The following MKLN1 variants were observed in gnomAD, a reference collection of about 807,000 sequenced individuals.
MKLN1 encodes muskelin 1.
In MKLN1, 18 loss-of-function variants were observed where a neutral mutation model predicts 99.0. The observed-to-expected ratio is 0.18, with a 90% CI of 0.13 to 0.27. The LOEUF (loss-of-function observed/expected upper bound fraction) is 0.27, where lower values mean the gene tolerates loss of function less well. Among genes scored for constraint, MKLN1 ranks in the 10% least tolerant of loss-of-function variants. MKLN1 has a pLI of 1.00. For missense variants in MKLN1, 621 were observed against 875.9 expected, an observed-to-expected ratio of 0.71 and a Z score of 3.67; for synonymous variants, 288 against 293.2, an observed-to-expected ratio of 0.98 and a Z score of 0.18.
At chr7:131,292,155 A>G (rs944116496) in intron 3 of MKLN1, among the ~76,000 whole-genome samples, 2 of 152,160 alleles carry the variant, frequency 1.3e-5, no homozygotes, top group East Asian at 3.8e-4. Context: ...CACTAGTCAA[A>G]TTTGAGGCAA....
At chr7:131,479,715 T>C (rs1220459948) in intron 17 of MKLN1, among the ~76,000 whole-genome samples, 1 of 151,512 alleles carries the variant, frequency 6.6e-6, no homozygotes, top group Non-Finnish European at 1.5e-5. Flanking sequence ...TAGTCCCAGC[T>C]ACTCAGGAGG....
At chr7:131,131,992 C>T (rs1175665611) in intron 1 of MKLN1, among the ~76,000 whole-genome samples, 1 of 152,138 alleles carries the variant, frequency 6.6e-6, no homozygotes, top group Non-Finnish European at 1.5e-5. Flanking sequence ...TGTAATAAAA[C>T]CAGAATTCGA....
intron 8 of MKLN1, among the ~76,000 whole-genome samples, chr7:131,428,131 C>G (rs1257559881): frequency 6.6e-6 from 1 of 151,810 alleles, no homozygotes; most frequent in Non-Finnish European, 1.5e-5. Context: ...CACCACTGCA[C>G]TCCAGCATGG....
chr7:131,283,607 G>GT (rs1798091331), intron 3 of MKLN1, among the ~76,000 whole-genome samples: 1 of 151,662 alleles, frequency 6.6e-6, no homozygotes, highest in Non-Finnish European at 1.5e-5. Flanking sequence ...GCTAATTTTT[G>GT]TATTTTTTGT....
chr7:131,356,239 G>C (rs905227047), intron 1 of MKLN1, among the ~76,000 whole-genome samples: 1 of 151,962 alleles, frequency 6.6e-6, no homozygotes, highest in African/African-American at 2.4e-5. Flanking sequence ...AGATCTTATT[G>C]AGAAGCTGCT....
At chr7:131,446,154 CGGG>C (rs1796009429) in intron 12 of MKLN1, among the ~76,000 whole-genome samples, 2 of 151,850 alleles carry the variant, frequency 1.3e-5, no homozygotes, top group South Asian at 4.2e-4. Context: ...TGTTGGGGGG[CGGG>C]GTAGGAAGAA....
At chr7:131,210,393 G>A (rs1014190265) in intron 3 of MKLN1, among the ~76,000 whole-genome samples, 8 of 151,854 alleles carry the variant, frequency 5.3e-5, no homozygotes, top group Non-Finnish European at 1.2e-4. Context: ...ATTAGCAGGC[G>A]TGGCAGCGTG....
chr7:131,461,119 T>C (rs1796501576), intron 12 of MKLN1, among the ~76,000 whole-genome samples: 1 of 152,080 alleles, frequency 6.6e-6, no homozygotes, highest in South Asian at 2.1e-4. Context: ...TTCCCTCCTA[T>C]ACTTTAAGTC....
intron 3 of MKLN1, 53 bp from the exon 4 acceptor site, chr7:131,388,831 T>A: frequency 8.6e-7 from 1 of 1,167,978 alleles, no homozygotes. Context: ...CGTGTTCTAG[T>A]GCATTTACTA....
chr7:131,481,810 CT>C (rs1201793067), intron 17 of MKLN1, among the ~76,000 whole-genome samples: 5 of 65,118 alleles, frequency 7.7e-5, no homozygotes, highest in African/African-American at 3.3e-4. Flanking sequence ...TTTCTAAGGT[CT>C]GCAAAAAAAA....
chr7:131,221,944 C>T (rs867063030), intron 3 of MKLN1, among the ~76,000 whole-genome samples: 7 of 152,030 alleles, frequency 4.6e-5, no homozygotes, highest in Non-Finnish European at 1.0e-4. Context: ...GTTGCTCTGT[C>T]GCCCAGGCTG....
At chr7:131,348,298 A>G (rs569653059) in intron 1 of MKLN1, among the ~76,000 whole-genome samples, 36 of 152,326 alleles carry the variant, frequency 2.4e-4, no homozygotes, top group African/African-American at 6.0e-4. Flanking sequence ...GAACAGATAT[A>G]TATATGGAAA....
At chr7:131,321,022 G>A (rs963176450) in intron 3 of MKLN1, among the ~76,000 whole-genome samples, 1 of 152,192 alleles carries the variant, frequency 6.6e-6, no homozygotes, top group Non-Finnish European at 1.5e-5. Flanking sequence ...AGACAGTGTG[G>A]TGATTCCTCA....
intron 3 of MKLN1, chr7:131,310,639 G>A (rs1020124602): frequency 2.0e-5 from 3 of 152,200 alleles, no homozygotes; most frequent in Non-Finnish European, 2.9e-5. Context: ...CAAGGGACCA[G>A]GCCAGTCTTT....
chr7:131,160,492 A>ATTATTATTATT (rs1343341791), intron 2 of MKLN1, among the ~76,000 whole-genome samples: 4 of 138,982 alleles, frequency 2.9e-5, no homozygotes, highest in Non-Finnish European at 4.6e-5. Context: ...TATTATTATT[A>ATTATTATTATT]ATTATTATTA....
intron 1 of MKLN1, among the ~76,000 whole-genome samples, chr7:131,124,785 A>G (rs1245254149): frequency 6.6e-6 from 1 of 151,950 alleles, no homozygotes; most frequent in Admixed American, 6.6e-5. Flanking sequence ...CTTAGTTCTG[A>G]CCAGTCATCT....
chr7:131,263,646 A>G (rs1255292945), intron 3 of MKLN1, among the ~76,000 whole-genome samples: 1 of 150,552 alleles, frequency 6.6e-6, no homozygotes, highest in African/African-American at 2.5e-5. Context: ...ATCTCGGCTC[A>G]CTGCAACCTC....
chr7:131,379,737 A>G (rs1157760734), intron 2 of MKLN1, among the ~76,000 whole-genome samples: 1 of 152,184 alleles, frequency 6.6e-6, no homozygotes, highest in Non-Finnish European at 1.5e-5. Flanking sequence ...TGAAGGATAA[A>G]TGTTTGAGGT....
chr7:131,486,397 T>C (rs1010781470), intron 17 of MKLN1, among the ~76,000 whole-genome samples: 1 of 152,132 alleles, frequency 6.6e-6, no homozygotes, highest in Non-Finnish European at 1.5e-5. Context: ...TCATCTCAAG[T>C]AAACATTCTC....
Sources: allele counts gnomAD v4.1 joint callset (sites outside exome capture counted in the v4.1 genomes callset), GRCh38; gene constraint gnomAD v4.1.1; transcripts MANE v1.5; gene names NCBI Gene and HGNC (gene_info 2026-07-23, HGNC 2026-07-21).